Variants in RDH11 observed in about 807,000 individuals in gnomAD.
RDH11 encodes the protein HCV core-binding protein HCBP12.
A neutral mutation model predicts 33.4 loss-of-function variants in RDH11; 19 were observed. The ratio of observed to expected loss-of-function variants is 0.57; its 90% CI spans 0.40 to 0.83. The LOEUF (loss-of-function observed/expected upper bound fraction) is 0.83. RDH11 is among the 40% of genes least tolerant of loss of function. The probability of loss-of-function intolerance (pLI) is 0.00; values close to 1 mark genes in which losing one functional copy is unlikely to be tolerated. For synonymous variants in RDH11, 154 were observed against 155.3 expected, an observed-to-expected ratio of 0.99 and a Z score of 0.06; for missense variants, 353 against 389.0, an observed-to-expected ratio of 0.91 and a Z score of 0.78.
At chr14:67,681,547 C>T (rs1453860805) in intron 6 of RDH11, among the ~76,000 whole-genome samples, 1 of 152,116 alleles carries the variant, frequency 6.6e-6, no homozygotes, top group Non-Finnish European at 1.5e-5. Context: ...CTTTGGGAGG[C>T]CGAGGAGGGG....
intron 6 of RDH11, among the ~76,000 whole-genome samples, chr14:67,679,808 G>C (rs983571427): frequency 6.6e-6 from 1 of 152,076 alleles, no homozygotes; most frequent in African/African-American, 2.4e-5. Flanking sequence ...CATCTGGTAA[G>C]CATTCAGTCA....
chr14:67,694,461 C>T (rs1472222952), intron 1 of RDH11, among the ~76,000 whole-genome samples: 1 of 142,970 alleles, frequency 7.0e-6, no homozygotes, highest in Non-Finnish European at 1.5e-5. Context: ...TACACACACA[C>T]ACACATATAT....
chr14:67,683,649 T>C (rs1381231277), intron 6 of RDH11, among the ~76,000 whole-genome samples: 2 of 152,232 alleles, frequency 1.3e-5, no homozygotes, highest in East Asian at 3.8e-4. Flanking sequence ...GGAGATCCAA[T>C]GCTTCCTCCC....
At chr14:67,692,188 G>C in intron 3 of RDH11, 1 of 442,642 alleles carries the variant, frequency 2.3e-6, no homozygotes, top group South Asian at 2.5e-5. Context: ...TGAGTGCTGA[G>C]ACTCCCATGA....
intron 6 of RDH11, among the ~76,000 whole-genome samples, chr14:67,683,837 C>A (rs1172625699): frequency 1.3e-5 from 2 of 152,192 alleles, no homozygotes; most frequent in Non-Finnish European, 2.9e-5. Flanking sequence ...AATAAATTTC[C>A]TTCTTGCTTA....
chr14:67,689,978 T>G, intron 5 of RDH11: 1 of 484,242 alleles, frequency 2.1e-6, no homozygotes, highest in Admixed American at 3.4e-5. Context: ...TTGCTATAGA[T>G]CACACAGCTA....
Position 67,685,171 on chromosome 14 carries a change from C to T in RDH11, c.698G>A (p.Gly233Asp). ...CCGAACCAGTTCAGATTGGACTGTG[C>T]CAGGGTGTACAGAATACGTCGTAAC... ...SGVTTYSVHP[G>D]TVQSELVRHS... is the part of the protein sequence containing the mutation. The change falls in exon 6 of 7, where the codon GGC becomes GAC. Residue 233 changes from glycine (G) to aspartate (D), a missense_variant. Gly to Asp is a moderately conservative substitution (Grantham distance 94). Coordinates refer to ENST00000381346, the MANE Select transcript of RDH11 (RefSeq NM_016026.4). The T allele has an allele frequency of 6.2e-7, 1 of 1,613,990 alleles. No individual in the cohort carries two copies. Among genetic ancestry groups the T allele is most frequent in the Admixed American group, 1.7e-5 (1 of 59,982 alleles).
At chr14:67,684,131 G>C (rs537533208) in intron 6 of RDH11, among the ~76,000 whole-genome samples, 1 of 151,666 alleles carries the variant, frequency 6.6e-6, no homozygotes, top group African/African-American at 2.4e-5. Flanking sequence ...AGTTGCTAAA[G>C]CACAGACCAG....
At chr14:67,689,714 T>C (rs976112629) in intron 5 of RDH11, among the ~76,000 whole-genome samples, 10 of 152,038 alleles carry the variant, frequency 6.6e-5, no homozygotes, top group Non-Finnish European at 1.3e-4. Context: ...GAGGCCAAGG[T>C]GGGTGGATCA....
At chr14:67,694,172 C>T (rs559060738) in intron 1 of RDH11, among the ~76,000 whole-genome samples, 2 of 152,204 alleles carry the variant, frequency 1.3e-5, no homozygotes, top group African/African-American at 2.4e-5. Context: ...ATTGAAGCTA[C>T]CTGCATAGTG....
intron 3 of RDH11, 34 bp from the exon 4 acceptor site, chr14:67,691,278 C>T: frequency 6.8e-7 from 1 of 1,473,670 alleles, no homozygotes; most frequent in Non-Finnish European, 9.5e-7. Flanking sequence ...GTGGAAGTGG[C>T]TAGCCAAGGC....
At chr14:67,682,732 A>T (rs2037629807) in intron 6 of RDH11, among the ~76,000 whole-genome samples, 1 of 152,200 alleles carries the variant, frequency 6.6e-6, no homozygotes, top group African/African-American at 2.4e-5. Flanking sequence ...TAACCCAGAA[A>T]TTCCACTTCC....
intron 3 of RDH11, chr14:67,691,780 T>C (rs2037753418): frequency 6.4e-6 from 1 of 155,766 alleles, no homozygotes; most frequent in African/African-American, 2.4e-5. Flanking sequence ...TAAGGGGATA[T>C]GCCTATAGAG....
chr14:67,685,038 C>T lies in RDH11; in HGVS notation c.831G>A (p.Glu277=), dbSNP rs150652177. ...ACCTGAAATGATTCCCACTTAGAAT[C>T]TCAAGACCTTCTGTTAAGGCACAGT... ...SLHCALTEGL[E]ILSGNHFSDC... Residue 277 remains glutamate (E), a synonymous_variant, in exon 6 of 7, where the codon GAG becomes GAA. Transcript: ENST00000381346. 2.2e-5 allele frequency: 35 copies of T among 1,612,140 alleles called. No individual in the cohort carries two copies. Among genetic ancestry groups the T allele is most frequent in the African/African-American group, 2.1e-4 (16 of 74,910 alleles).
At chr14:67,682,391 G>GA (rs1159061028) in intron 6 of RDH11, among the ~76,000 whole-genome samples, 2 of 152,126 alleles carry the variant, frequency 1.3e-5, no homozygotes, top group African/African-American at 4.8e-5. Context: ...AGACTATTAA[G>GA]AACTCTTGTA....
At chr14:67,690,166 G>A (rs994167490) in intron 5 of RDH11, 46 bp downstream of exon 5, 2 of 1,547,500 alleles carry the variant, frequency 1.3e-6, no homozygotes, top group African/African-American at 2.7e-5. Flanking sequence ...GCTTTTACCT[G>A]CCTCTCTCTG....
chr14:67,686,881 A>G (rs917635711), intron 5 of RDH11, among the ~76,000 whole-genome samples: 3 of 152,214 alleles, frequency 2.0e-5, no homozygotes, highest in Non-Finnish European at 2.9e-5. Flanking sequence ...TTGAAGAAAC[A>G]GAATTTTTCT....
At position 67,693,547 on chromosome 14, in the gene RDH11, A is replaced by G. The variant is rs80329776; in HGVS notation, c.75-495T>C. On this transcript the variant is annotated intron_variant, in intron 1 of 6. Transcript: ENST00000381346. ...AAAAAACACACCCACACGCATGCAC[A>G]TACACACTTAAAACAAAGAGAAGAT... Among the ~76,000 whole-genome samples the G allele has an allele frequency of 6.3e-3, 958 of 151,286 alleles. 8 individuals are homozygous for G. Among genetic ancestry groups the G allele is most frequent in the Middle Eastern group, 0.017 (5 of 288 alleles).
chr14:67,689,958 G>A (rs1594851578), intron 5 of RDH11: 1 of 383,238 alleles, frequency 2.6e-6, no homozygotes, highest in Non-Finnish European at 4.9e-6. Flanking sequence ...AAAAAAAAAA[G>A]TTAAGTAACT....
Sources: allele counts gnomAD v4.1 joint callset (sites outside exome capture counted in the v4.1 genomes callset), GRCh38; gene constraint gnomAD v4.1.1; transcripts MANE v1.5; gene names NCBI Gene and HGNC (gene_info 2026-07-23, HGNC 2026-07-21).